KHDRBS3: variants seen among roughly 807,000 people sequenced by gnomAD.
KHDRBS3 encodes KH RNA binding domain containing, signal transduction associated 3, also known as KH domain-containing, RNA-binding, signal transduction-associated protein 3.
KHDRBS3 carries 23 observed loss-of-function variants against 45.6 expected under a neutral mutation model. The ratio of observed to expected loss-of-function variants is 0.50; its 90% CI spans 0.36 to 0.72. The LOEUF (loss-of-function observed/expected upper bound fraction) is 0.72. Among genes scored for constraint, KHDRBS3 ranks in the 30% least tolerant of loss-of-function variants. The pLI is 0.00. For missense variants in KHDRBS3, 352 were observed against 424.8 expected, an observed-to-expected ratio of 0.83 and a Z score of 1.51; for synonymous variants, 162 against 156.5, an observed-to-expected ratio of 1.04 and a Z score of -0.26.
chr8:135,500,964 G>A (rs1328642441), intron 1 of KHDRBS3, among the ~76,000 whole-genome samples: 1 of 152,062 alleles, frequency 6.6e-6, no homozygotes, highest in Non-Finnish European at 1.5e-5. Context: ...AAAAAACATG[G>A]ACCTTTTATC....
chr8:135,630,528 T>C (rs899151721), intron 7 of KHDRBS3, among the ~76,000 whole-genome samples: 2 of 105,342 alleles, frequency 1.9e-5, no homozygotes, highest in Non-Finnish European at 4.1e-5. Context: ...GCTTAACAAT[T>C]GGGATACATT....
chr8:135,550,620 A>G (rs575664760), intron 4 of KHDRBS3, among the ~76,000 whole-genome samples: 3 of 152,232 alleles, frequency 2.0e-5, no homozygotes, highest in African/African-American at 4.8e-5. Flanking sequence ...GCTCTTAATT[A>G]CTTTAGCCTT....
chr8:135,639,508 G>A (rs1830968325), intron 7 of KHDRBS3, among the ~76,000 whole-genome samples: 1 of 152,190 alleles, frequency 6.6e-6, no homozygotes, highest in South Asian at 2.1e-4. Flanking sequence ...ATGATGGTCT[G>A]GAAGAGGCAG....
At chr8:135,582,420 T>C (rs1399416603) in intron 6 of KHDRBS3, among the ~76,000 whole-genome samples, 1 of 152,222 alleles carries the variant, frequency 6.6e-6, no homozygotes, top group Non-Finnish European at 1.5e-5. Flanking sequence ...ATTTAAAAAA[T>C]AATTGCCTGC....
intron 1 of KHDRBS3, among the ~76,000 whole-genome samples, chr8:135,509,165 A>G (rs1451488092): frequency 1.3e-5 from 2 of 152,230 alleles, no homozygotes; most frequent in Non-Finnish European, 2.9e-5. Context: ...AATGAATACA[A>G]TTGACTATCC....
chr8:135,636,483 A>G (rs1046859713), intron 7 of KHDRBS3, among the ~76,000 whole-genome samples: 4 of 152,194 alleles, frequency 2.6e-5, no homozygotes, highest in Admixed American at 6.5e-5. Context: ...GACACATAAC[A>G]TCTTAGTGTT....
At chr8:135,607,495 GAAT>G (rs1325134795) in intron 7 of KHDRBS3, among the ~76,000 whole-genome samples, 2 of 152,092 alleles carry the variant, frequency 1.3e-5, no homozygotes, top group Non-Finnish European at 2.9e-5. Flanking sequence ...TCCTACCTGT[GAAT>G]AATGACTTAG....
intron 5 of KHDRBS3, among the ~76,000 whole-genome samples, chr8:135,580,605 C>CTTTTTTT (rs11405340): frequency 3.9e-5 from 5 of 128,866 alleles, no homozygotes; most frequent in African/African-American, 1.2e-4. Context: ...CTCTCTCTCT[C>CTTTTTTT]TTTTTTTTTT....
At chr8:135,637,270 GTTTATTTTAAATATTACA>G (rs1830852135) in intron 7 of KHDRBS3, among the ~76,000 whole-genome samples, 1 of 152,106 alleles carries the variant, frequency 6.6e-6, no homozygotes, top group Non-Finnish European at 1.5e-5. Flanking sequence ...TAGTCCCAAA[GTTTATTTTAAATATTACA>G]TTTCATTTAT....
intron 1 of KHDRBS3, among the ~76,000 whole-genome samples, chr8:135,481,252 TTAATG>T (rs1297425029): frequency 1.3e-4 from 13 of 99,458 alleles, no homozygotes; most frequent in African/African-American, 5.1e-4. Flanking sequence ...ATATATATAT[TTAATG>T]TAAGCCTTCT....
intron 7 of KHDRBS3, among the ~76,000 whole-genome samples, chr8:135,640,872 T>A (rs897601594): frequency 6.6e-5 from 10 of 152,186 alleles, no homozygotes; most frequent in Non-Finnish European, 4.4e-5. Flanking sequence ...GTTGAGGTTT[T>A]AGTTTATCGC....
intron 1 of KHDRBS3, among the ~76,000 whole-genome samples, chr8:135,494,531 G>T (rs1823335881): frequency 6.6e-6 from 1 of 152,046 alleles, no homozygotes; most frequent in African/African-American, 2.4e-5. Flanking sequence ...ACCCACCTCG[G>T]CCTCCTAAAG....
intron 7 of KHDRBS3, among the ~76,000 whole-genome samples, chr8:135,611,267 T>C (rs925427282): frequency 6.6e-6 from 1 of 151,944 alleles, no homozygotes; most frequent in Non-Finnish European, 1.5e-5. Flanking sequence ...AATAAACATC[T>C]GTCCCTTTTA....
At chr8:135,607,100 T>C in intron 7 of KHDRBS3, 63 bp downstream of exon 7, 3 of 1,333,336 alleles carry the variant, frequency 2.3e-6, no homozygotes, top group Non-Finnish European at 3.2e-6. Context: ...CATTCATATA[T>C]TCTGGGAAAA....
chr8:135,560,690 C>G (rs1315060980), intron 5 of KHDRBS3, among the ~76,000 whole-genome samples: 1 of 152,090 alleles, frequency 6.6e-6, no homozygotes, highest in Non-Finnish European at 1.5e-5. Context: ...AAAACTCATC[C>G]CTCGTGATTA....
At chr8:135,616,311 A>G (rs1221872620) in intron 7 of KHDRBS3, among the ~76,000 whole-genome samples, 1 of 152,206 alleles carries the variant, frequency 6.6e-6, no homozygotes, top group African/African-American at 2.4e-5. Context: ...GCCTAACTCA[A>G]AAGCAACTAG....
intron 1 of KHDRBS3, among the ~76,000 whole-genome samples, chr8:135,487,944 G>T (rs1586593610): frequency 6.6e-6 from 1 of 152,120 alleles, no homozygotes; most frequent in African/African-American, 2.4e-5. Flanking sequence ...ACACAGAAGT[G>T]CTTCAAAAAT....
At chr8:135,630,449 G>GGT (rs1830546210) in intron 7 of KHDRBS3, among the ~76,000 whole-genome samples, 1 of 127,668 alleles carries the variant, frequency 7.8e-6, no homozygotes, top group African/African-American at 2.8e-5. Flanking sequence ...TGTGAAATGG[G>GGT]GTAATATCTA....
chr8:135,541,750 A>C (rs1826058557), intron 2 of KHDRBS3: 1 of 152,170 alleles, frequency 6.6e-6, no homozygotes, highest in Non-Finnish European at 1.5e-5. Flanking sequence ...ATTTACCTTA[A>C]TTATAGCAAG....
Sources: gnomAD v4.1 joint callset for allele counts (sites outside exome capture counted in the v4.1 genomes callset) on GRCh38, gnomAD v4.1.1 for gene constraint, MANE v1.5 for transcripts, NCBI Gene and HGNC (gene_info 2026-07-23, HGNC 2026-07-21) for gene names.